RBFOX1: variants seen among roughly 807,000 people sequenced by gnomAD.
The protein encoded by RBFOX1 is RNA binding protein fox-1 homolog 1.
RBFOX1 carries 8 observed loss-of-function variants against 57.7 expected under a neutral mutation model. That is an observed-to-expected ratio of 0.14 (90% CI 0.08 to 0.25). The LOEUF (loss-of-function observed/expected upper bound fraction) is 0.25. RBFOX1 is among the 10% of genes least tolerant of loss of function. RBFOX1 has a pLI of 1.00. For synonymous variants in RBFOX1, 326 were observed against 222.4 expected (o/e 1.47, Z -4.15); for missense variants, 611 against 548.5 (o/e 1.11, Z -1.14).
intron 2 of RBFOX1, among the ~76,000 whole-genome samples, chr16:5,469,531 G>T (rs977147257): frequency 2.0e-5 from 3 of 152,162 alleles, no homozygotes; most frequent in Admixed American, 6.5e-5. Flanking sequence ...ATAACATGAA[G>T]TTAGGCGTTT....
At chr16:5,792,776 G>C (rs1389782527) in intron 3 of RBFOX1, among the ~76,000 whole-genome samples, 2 of 152,186 alleles carry the variant, frequency 1.3e-5, no homozygotes, top group African/African-American at 4.8e-5. Flanking sequence ...CCTGGAGGTG[G>C]AGGTTGCAGT....
At chr16:7,392,668 A>C (rs2098055794) in intron 4 of RBFOX1, among the ~76,000 whole-genome samples, 1 of 152,178 alleles carries the variant, frequency 6.6e-6, no homozygotes, top group African/African-American at 2.4e-5. Flanking sequence ...GATAAAGCCC[A>C]AGTCATAGTA....
At chr16:7,043,534 G>A (rs62016266) in intron 3 of RBFOX1, among the ~76,000 whole-genome samples, 36,645 of 152,002 alleles carry the variant, frequency 0.24, 4,968 homozygotes, top group East Asian at 0.46. Flanking sequence ...TTTCAGAAGA[G>A]TTTATAATGA....
At chr16:6,595,217 C>G (rs2097765275) in intron 2 of RBFOX1, among the ~76,000 whole-genome samples, 1 of 152,132 alleles carries the variant, frequency 6.6e-6, no homozygotes, top group Non-Finnish European at 1.5e-5. Context: ...CCTGTACACC[C>G]TTACCCCACC....
chr16:6,834,991 C>A (rs556873278), intron 3 of RBFOX1, among the ~76,000 whole-genome samples: 1 of 150,442 alleles, frequency 6.6e-6, no homozygotes, highest in African/African-American at 2.4e-5. Flanking sequence ...CTCCCAGGTT[C>A]ACGCCATTCT....
At chr16:5,726,118 G>A (rs2052142550) in intron 3 of RBFOX1, among the ~76,000 whole-genome samples, 1 of 151,540 alleles carries the variant, frequency 6.6e-6, no homozygotes, top group South Asian at 2.1e-4. Context: ...TGGGTAGAAT[G>A]GGTTTCTCTG....
intron 1 of RBFOX1, among the ~76,000 whole-genome samples, chr16:6,269,140 GA>G (rs1232903175): frequency 6.6e-6 from 1 of 152,140 alleles, no homozygotes; most frequent in Non-Finnish European, 1.5e-5. Flanking sequence ...GCATTAGTAT[GA>G]CAGATTTCTC....
At chr16:7,037,835 C>T (rs1305795051) in intron 3 of RBFOX1, among the ~76,000 whole-genome samples, 1 of 152,146 alleles carries the variant, frequency 6.6e-6, no homozygotes, top group Non-Finnish European at 1.5e-5. Context: ...TCTCAAATGT[C>T]TCTCAGTTAA....
At chr16:6,803,458 T>TA (rs1415703444) in intron 3 of RBFOX1, among the ~76,000 whole-genome samples, 10 of 152,192 alleles carry the variant, frequency 6.6e-5, no homozygotes, top group Non-Finnish European at 1.3e-4. Context: ...AAACATTTGT[T>TA]ATTACTTTCC....
In RBFOX1 at chr16:7,245,971, T is replaced by G. The variant is rs540447522; in HGVS notation, c.27+193873T>G. On this transcript the variant is annotated intron_variant, in intron 4 of 15. Transcript: ENST00000550418. ...CAATTAGCCCATCCCTGAAAAAAAG[T>G]ATAGATTGCAGTGTAAATAGAAATT... Among the ~76,000 whole-genome samples the G allele has an allele frequency of 2.6e-5, 4 of 152,292 alleles. 1 individual carries two copies. In the South Asian group the frequency reaches 8.3e-4, roughly 32 times the overall value.
intron 4 of RBFOX1, among the ~76,000 whole-genome samples, chr16:7,228,883 C>T (rs8059764): frequency 0.28 from 42,275 of 151,994 alleles, 7,540 homozygotes; most frequent in East Asian, 0.67. Context: ...CACAGCTTCA[C>T]GTTATCTGTT....
chr16:7,414,363 T>G (rs2098459053), intron 4 of RBFOX1, among the ~76,000 whole-genome samples: 1 of 152,108 alleles, frequency 6.6e-6, no homozygotes, highest in Non-Finnish European at 1.5e-5. Context: ...GATAGATTGG[T>G]GGTCAAAAGT....
chr16:5,491,134 C>T (rs187668707), intron 2 of RBFOX1, among the ~76,000 whole-genome samples: 176 of 152,182 alleles, frequency 1.2e-3, no homozygotes, highest in African/African-American at 4.1e-3. Flanking sequence ...CTGTCATCGG[C>T]CGAAACATCG....
At chr16:6,245,774 A>G (rs2097565917) in intron 1 of RBFOX1, among the ~76,000 whole-genome samples, 2 of 152,174 alleles carry the variant, frequency 1.3e-5, no homozygotes, top group Non-Finnish European at 2.9e-5. Context: ...GCAGTGAAAC[A>G]AGAATTTAAA....
At chr16:5,445,586 ACAGT>A (rs2068217137) in intron 1 of RBFOX1, among the ~76,000 whole-genome samples, 1 of 152,210 alleles carries the variant, frequency 6.6e-6, no homozygotes, top group South Asian at 2.1e-4. Flanking sequence ...TTAGGTGAGG[ACAGT>A]CAGAGGTGGA....
intron 1 of RBFOX1, among the ~76,000 whole-genome samples, chr16:6,307,699 T>C (rs995120789): frequency 6.8e-6 from 1 of 147,326 alleles, no homozygotes; most frequent in Non-Finnish European, 1.5e-5. Context: ...ATGATAATCA[T>C]TTATGTTATT....
chr16:7,200,762 C>T (rs543221038), intron 4 of RBFOX1, among the ~76,000 whole-genome samples: 2 of 152,162 alleles, frequency 1.3e-5, no homozygotes, highest in African/African-American at 4.8e-5. Flanking sequence ...AATTATTAGA[C>T]ATGCATCCTG....
At chr16:6,774,079 T>C (rs2154216369) in intron 3 of RBFOX1, 1 of 859,472 alleles carries the variant, frequency 1.2e-6, no homozygotes, top group East Asian at 1.2e-4. Flanking sequence ...ATTAATTTCC[T>C]AGCTTTAAAT....
At chr16:6,726,916 G>C (rs1489254393) in intron 3 of RBFOX1, among the ~76,000 whole-genome samples, 1 of 151,996 alleles carries the variant, frequency 6.6e-6, no homozygotes, top group East Asian at 1.9e-4. Context: ...GGAAATAAAG[G>C]ACACTTTCAG....
Sources: gnomAD v4.1 joint callset for allele counts (sites outside exome capture counted in the v4.1 genomes callset) on GRCh38, gnomAD v4.1.1 for gene constraint, MANE v1.5 for transcripts, NCBI Gene and HGNC (gene_info 2026-07-23, HGNC 2026-07-21) for gene names.